The following FADS2 variants were observed in gnomAD, a reference collection of about 807,000 sequenced individuals.
FADS2 encodes the protein acyl-CoA 6-desaturase.
A neutral mutation model predicts 61.2 loss-of-function variants in FADS2; 18 were observed. The ratio of observed to expected loss-of-function variants is 0.29; its 90% CI spans 0.20 to 0.44. The LOEUF (loss-of-function observed/expected upper bound fraction) is 0.44. Among genes scored for constraint, FADS2 ranks in the 20% least tolerant of loss-of-function variants. FADS2 has a pLI of 1.00. For synonymous variants in FADS2, 203 were observed against 223.9 expected, an observed-to-expected ratio of 0.91 and a Z score of 0.83; for missense variants, 322 against 572.7, an observed-to-expected ratio of 0.56 and a Z score of 4.47.
chr11:61,838,656 A>C (rs536911980), intron 2 of FADS2, among the ~76,000 whole-genome samples: 1 of 150,420 alleles, frequency 6.6e-6, no homozygotes, highest in East Asian at 2.0e-4. Flanking sequence ...CACCACCCCC[A>C]TTGCCTCTGG....
chr11:61,838,187 C>T (rs2067190411), intron 2 of FADS2, among the ~76,000 whole-genome samples: 1 of 152,156 alleles, frequency 6.6e-6, no homozygotes, highest in African/African-American at 2.4e-5. Context: ...AGGACAGAAA[C>T]ACCGAAAAAT....
At chr11:61,832,443 A>G (rs1276213122) in intron 1 of FADS2, among the ~76,000 whole-genome samples, 2 of 152,226 alleles carry the variant, frequency 1.3e-5, no homozygotes, top group African/African-American at 4.8e-5. Context: ...TAGCCTCAGC[A>G]TCCCCAGGAA....
intron 7 of FADS2, 72 bp from the exon 8 acceptor site, chr11:61,862,900 C>A: frequency 8.2e-7 from 1 of 1,221,838 alleles, no homozygotes; most frequent in Non-Finnish European, 1.2e-6. Context: ...GGTGTGTGCA[C>A]ATCTGGGGCA....
Position 61,816,298 on chromosome 11 carries a change from G to A in FADS2, c.13G>A (p.Glu5Lys). The A allele has an allele frequency of 6.3e-7, 1 of 1,598,360 alleles. No individual in the cohort carries two copies. The highest frequency in any genetic ancestry group is 1.3e-5 in the African/African-American group (1 of 75,018). ...GGCTGCAGATGGAATGCACGGCAGG[G>A]AGGCGGGACCCTTTGTTTGTGTGTG... The change falls in exon 1 of 12, where the codon GAG becomes AAG. Residue 5 changes from glutamate to lysine, a missense_variant. Glu to Lys is a moderately conservative substitution (Grantham distance 56). Transcript: ENST00000257261. This position sits in a 1 kb window ranked among gnomAD's most constrained non-coding sequence, Gnocchi z 7.0.
upstream of FADS2, chr11:61,826,407 A>T: frequency 1.4e-6 from 1 of 702,014 alleles, no homozygotes. Context: ...GAACCTTCAA[A>T]GCCTCTGTGA....
At chr11:61,851,069 A>C (rs2067302860) in intron 5 of FADS2, among the ~76,000 whole-genome samples, 1 of 152,194 alleles carries the variant, frequency 6.6e-6, no homozygotes, top group Non-Finnish European at 1.5e-5. Flanking sequence ...TTTTCTGCCA[A>C]AGTACAGGCT....
chr11:61,821,647 G>T (rs1451423029), intron 1 of FADS2, among the ~76,000 whole-genome samples: 2 of 152,114 alleles, frequency 1.3e-5, no homozygotes, highest in African/African-American at 4.8e-5. Context: ...AACCATTTTT[G>T]AAAAATCTGG....
At chr11:61,833,694 T>C (rs1239770025) in intron 1 of FADS2, among the ~76,000 whole-genome samples, 1 of 152,214 alleles carries the variant, frequency 6.6e-6, no homozygotes, top group Non-Finnish European at 1.5e-5. Flanking sequence ...CTCGCCTGCG[T>C]CACCTCAGCA....
intron 5 of FADS2, chr11:61,856,732 C>T (rs886086083): frequency 4.2e-6 from 2 of 472,136 alleles, no homozygotes; most frequent in Non-Finnish European, 7.6e-6. Flanking sequence ...TAACGCTGAG[C>T]CTCAGCCTCA....
At chr11:61,826,886 T>C (rs1242085223), upstream of FADS2, among the ~76,000 whole-genome samples, 1 of 152,012 alleles carries the variant, frequency 6.6e-6, no homozygotes, top group Admixed American at 6.6e-5. Flanking sequence ...TTTGACCATC[T>C]CTCTCAATCT....
intron 7 of FADS2, among the ~76,000 whole-genome samples, chr11:61,861,437 A>C (rs2067416251): frequency 6.6e-6 from 1 of 150,844 alleles, no homozygotes; most frequent in Non-Finnish European, 1.5e-5. Context: ...AGTCATGATC[A>C]CACCATTGCA....
intron 4 of FADS2, among the ~76,000 whole-genome samples, chr11:61,845,516 G>C (rs572893810): frequency 1.3e-5 from 2 of 152,112 alleles, no homozygotes; most frequent in African/African-American, 4.8e-5. Flanking sequence ...AGAGAGGCCC[G>C]GTGCGGTGGG....
chr11:61,822,186 G>C (rs978556412), intron 1 of FADS2, among the ~76,000 whole-genome samples: 7 of 152,168 alleles, frequency 4.6e-5, no homozygotes, highest in Non-Finnish European at 7.3e-5. Context: ...AGCCAGGATG[G>C]TCTCCATCTC....
At chr11:61,860,953 C>T (rs1165720446) in intron 7 of FADS2, among the ~76,000 whole-genome samples, 1 of 151,630 alleles carries the variant, frequency 6.6e-6, no homozygotes, top group East Asian at 2.0e-4. Context: ...ACCTGTAATC[C>T]TAGTACTTTG....
chr11:61,861,650 G>A (rs174616), intron 7 of FADS2, among the ~76,000 whole-genome samples: 76,370 of 152,124 alleles, frequency 0.5, 19,862 homozygotes, highest in Admixed American at 0.62. Flanking sequence ...TTATTGGAAC[G>A]TGAGGTCCTG....
chr11:61,850,956 C>CT (rs1287021611), intron 5 of FADS2, among the ~76,000 whole-genome samples: 6 of 152,206 alleles, frequency 3.9e-5, no homozygotes, highest in Non-Finnish European at 1.5e-5. Context: ...ACCCGTGAGA[C>CT]TATCTGAGCA....
At chr11:61,858,843 A>C (rs1175118267) in intron 7 of FADS2, among the ~76,000 whole-genome samples, 1 of 152,192 alleles carries the variant, frequency 6.6e-6, no homozygotes, top group Non-Finnish European at 1.5e-5. Context: ...TTGGCCTCCC[A>C]AAGTGCTGGG....
chr11:61,828,174 TGGGAA>T (rs2135952952), upstream of FADS2: 1 of 1,411,816 alleles, frequency 7.1e-7, no homozygotes, highest in East Asian at 2.7e-5. This position sits in a 1 kb window ranked among gnomAD's most constrained non-coding sequence, Gnocchi z 6.4. Flanking sequence ...TTGGGGGCAC[TGGGAA>T]GCCAGGGATC....
chr11:61,828,801 A>G lies in FADS2; in HGVS notation c.207+204A>G. The G allele has an allele frequency of 1.9e-6, 1 of 540,494 alleles. No individual in the cohort carries two copies. Among genetic ancestry groups the G allele is most frequent in the Non-Finnish European group, 3.3e-6 (1 of 305,662 alleles). 33.5% of individuals were successfully genotyped at this position (540,494 alleles called of 1,614,324 possible). A position where few individuals can be genotyped will look rare whatever the true frequency, so the allele number is the denominator to read the frequency against. ...GACTGGGGTGGAGACCGGATCTGGG[A>G]CCCGGGGAGGCGGCGCTGCGGTGAA... On this transcript the variant is annotated intron_variant, in intron 1 of 11. Coordinates refer to ENST00000278840, the MANE Select transcript of FADS2 (RefSeq NM_004265.4). This position sits in a 1 kb window ranked among gnomAD's most constrained non-coding sequence, Gnocchi z 6.4.
Sources: gnomAD v4.1 joint callset for allele counts (sites outside exome capture counted in the v4.1 genomes callset) on GRCh38, gnomAD v4.1.1 for gene constraint, Gnocchi (gnomAD v3.1) non-coding constraint, MANE v1.5 for transcripts, NCBI Gene and HGNC (gene_info 2026-07-23, HGNC 2026-07-21) for gene names.